MYRIP: variants seen among roughly 807,000 people sequenced by gnomAD.
MYRIP encodes the protein myosin VIIA and Rab interacting protein, also known as rab effector MyRIP.
Under a neutral mutation model 98.0 loss-of-function variants are expected in MYRIP, and 49 were observed. That is an observed-to-expected ratio of 0.50 (90% CI 0.40 to 0.63). The LOEUF (loss-of-function observed/expected upper bound fraction) is 0.63. MYRIP is among the 30% of genes least tolerant of loss of function. The pLI, the probability that MYRIP is intolerant of heterozygous loss-of-function variation, is 0.00. For missense variants in MYRIP, 1,004 were observed against 1,058.2 expected, an observed-to-expected ratio of 0.95 and a Z score of 0.71; for synonymous variants, 404 against 409.5, an observed-to-expected ratio of 0.99 and a Z score of 0.16.
intron 7 of MYRIP, among the ~76,000 whole-genome samples, 183 bp from the exon 8 acceptor site, chr3:40,169,767 T>A (rs987913603): frequency 1.3e-5 from 2 of 152,214 alleles, no homozygotes; most frequent in Non-Finnish European, 2.9e-5. Flanking sequence ...TGTAAAATGC[T>A]TAGAATGCTC....
intron 1 of MYRIP, among the ~76,000 whole-genome samples, chr3:39,824,303 T>C (rs960698069): frequency 6.6e-6 from 1 of 152,194 alleles, no homozygotes; most frequent in Non-Finnish European, 1.5e-5. Context: ...CCAGCATTGT[T>C]CTCTTTGCTC....
At chr3:39,918,206 G>A (rs991446556) in intron 2 of MYRIP, among the ~76,000 whole-genome samples, 19 of 152,094 alleles carry the variant, frequency 1.2e-4, no homozygotes, top group Non-Finnish European at 1.9e-4. Flanking sequence ...GAGCCACCGC[G>A]CCCGGCCCTG....
intron 2 of MYRIP, among the ~76,000 whole-genome samples, chr3:39,913,773 C>T (rs1335140443): frequency 6.6e-6 from 1 of 152,136 alleles, no homozygotes; most frequent in Non-Finnish European, 1.5e-5. Flanking sequence ...GACTCTGTGA[C>T]TAAAAAATGG....
chr3:39,883,835 A>G (rs1943219428), intron 1 of MYRIP, among the ~76,000 whole-genome samples: 1 of 152,132 alleles, frequency 6.6e-6, no homozygotes, highest in African/African-American at 2.4e-5. Flanking sequence ...TCTGACCTGA[A>G]CAATACAGTA....
At chr3:40,246,808 T>C (rs910316742) in intron 13 of MYRIP, among the ~76,000 whole-genome samples, 23 of 152,062 alleles carry the variant, frequency 1.5e-4, no homozygotes, top group Non-Finnish European at 4.4e-5. Context: ...CTTTATTGAG[T>C]CAAAAATACA....
intron 11 of MYRIP, among the ~76,000 whole-genome samples, chr3:40,218,617 TATATATATATA>T (rs1559460396): frequency 4.6e-4 from 5 of 10,958 alleles, no homozygotes; most frequent in East Asian, 2.9e-3. Flanking sequence ...ATATTTTATA[TATATATATATA>T]TATATATATA....
At chr3:39,922,629 A>G (rs972882796) in intron 2 of MYRIP, among the ~76,000 whole-genome samples, 3 of 152,228 alleles carry the variant, frequency 2.0e-5, no homozygotes, top group African/African-American at 4.8e-5. Context: ...AGCAGCAACA[A>G]GGAGCTCCCT....
chr3:39,917,213 G>C (rs1320954948), intron 2 of MYRIP, among the ~76,000 whole-genome samples: 1 of 151,770 alleles, frequency 6.6e-6, no homozygotes, highest in Non-Finnish European at 1.5e-5. Flanking sequence ...TAGTCAAAAA[G>C]ATTACATTAA....
intron 10 of MYRIP, among the ~76,000 whole-genome samples, chr3:40,192,943 G>A (rs543108094): frequency 6.6e-6 from 1 of 152,262 alleles, no homozygotes; most frequent in South Asian, 2.1e-4. Flanking sequence ...CCCTGGGAGG[G>A]GCCTGTAGTA....
At chr3:39,992,024 A>G (rs1394940446) in intron 2 of MYRIP, among the ~76,000 whole-genome samples, 1 of 152,058 alleles carries the variant, frequency 6.6e-6, no homozygotes, top group Non-Finnish European at 1.5e-5. Flanking sequence ...TAGAAGTGCA[A>G]CTCTCTGAAG....
At chr3:39,959,712 A>T (rs1014534610) in intron 2 of MYRIP, among the ~76,000 whole-genome samples, 1 of 152,128 alleles carries the variant, frequency 6.6e-6, no homozygotes, top group African/African-American at 2.4e-5. Flanking sequence ...CTTAGTTTAT[A>T]ATTAAAAGCA....
At chr3:39,970,260 A>C (rs1199216867) in intron 2 of MYRIP, 2 of 152,112 alleles carry the variant, frequency 1.3e-5, no homozygotes, top group Non-Finnish European at 2.9e-5. Context: ...GATAGTCTCC[A>C]AAGAGACTAA....
chr3:40,082,765 T>C (rs1156680057), intron 3 of MYRIP, among the ~76,000 whole-genome samples: 3 of 152,246 alleles, frequency 2.0e-5, no homozygotes, highest in Non-Finnish European at 4.4e-5. Context: ...CTCCTAATCA[T>C]GAAGGAAATG....
chr3:39,898,427 A>G (rs556889183), intron 1 of MYRIP, among the ~76,000 whole-genome samples: 2 of 152,276 alleles, frequency 1.3e-5, no homozygotes, highest in South Asian at 4.1e-4. Flanking sequence ...CATTATTTGG[A>G]AATGAAAAGG....
chr3:39,944,823 GA>G (rs1944862306), intron 2 of MYRIP, among the ~76,000 whole-genome samples: 1 of 152,094 alleles, frequency 6.6e-6, no homozygotes, highest in African/African-American at 2.4e-5. Context: ...TATTGTTTAT[GA>G]GTTTCTACTT....
intron 2 of MYRIP, among the ~76,000 whole-genome samples, chr3:40,030,187 T>C (rs1464742353): frequency 6.6e-6 from 1 of 151,778 alleles, no homozygotes; most frequent in East Asian, 1.9e-4. Context: ...GCCAAAAATT[T>C]GAATAAACTT....
chr3:40,098,740 T>TGTGTGTGTGTG (rs1553613661), intron 3 of MYRIP, among the ~76,000 whole-genome samples: 1 of 135,188 alleles, frequency 7.4e-6, no homozygotes, highest in South Asian at 2.5e-4. Context: ...GTCTCTCTCA[T>TGTGTGTGTGTG]TGTGTGTGTG....
At chr3:40,218,637 TA>T (rs1952227642) in intron 11 of MYRIP, among the ~76,000 whole-genome samples, 1 of 43,736 alleles carries the variant, frequency 2.3e-5, no homozygotes, top group African/African-American at 4.8e-5. Context: ...TATATATATA[TA>T]TATATATATA....
chr3:39,933,792 T>A (rs1432722955), intron 2 of MYRIP, among the ~76,000 whole-genome samples: 1 of 152,216 alleles, frequency 6.6e-6, no homozygotes, highest in Non-Finnish European at 1.5e-5. Context: ...GAGACTACAT[T>A]CATTTATTGT....
Sources: allele counts gnomAD v4.1 joint callset (sites outside exome capture counted in the v4.1 genomes callset), GRCh38; gene constraint gnomAD v4.1.1; transcripts MANE v1.5; gene names NCBI Gene and HGNC (gene_info 2026-07-23, HGNC 2026-07-21).